Variants in SMCHD1 observed in about 807,000 individuals in gnomAD.
The protein encoded by SMCHD1 is structural maintenance of chromosomes flexible hinge domain-containing protein 1.
A neutral mutation model predicts 254.7 loss-of-function variants in SMCHD1; 78 were observed. The ratio of observed to expected loss-of-function variants is 0.31; its 90% confidence interval spans 0.26 to 0.37. SMCHD1 has a LOEUF of 0.37. Among genes scored for constraint, SMCHD1 ranks in the 10% least tolerant of loss-of-function variants. The probability of loss-of-function intolerance (pLI) is 1.00; values close to 1 mark genes in which losing one functional copy is unlikely to be tolerated. For synonymous variants in SMCHD1, 766 were observed against 794.9 expected (o/e 0.96, Z 0.61); for missense variants, 1,840 against 2,408.1 (o/e 0.76, Z 4.94).
chr18:2,688,141 T>A (rs1039009776), intron 5 of SMCHD1, among the ~76,000 whole-genome samples: 4 of 152,182 alleles, frequency 2.6e-5, no homozygotes, highest in Non-Finnish European at 5.9e-5. Context: ...GCTGAGAGAT[T>A]TTCTGATTTA....
At chr18:2,689,374 T>G (rs2509464) in intron 7 of SMCHD1, among the ~76,000 whole-genome samples, 1 of 151,534 alleles carries the variant, frequency 6.6e-6, no homozygotes, top group African/African-American at 2.4e-5. Flanking sequence ...CCTGCCACCA[T>G]GCCCTGCTAA....
Position 2,743,858 on chromosome 18 carries a change from T to C in SMCHD1, c.3731T>C (p.Phe1244Ser). The change falls in exon 29 of 48, where the codon TTT becomes TCT. Residue 1244 changes from phenylalanine (F) to serine (S), a missense_variant. Phe to Ser is a radical substitution (Grantham distance 155). Coordinates refer to ENST00000320876, the MANE Select transcript of SMCHD1 (RefSeq NM_015295.3). ...TTTACTTGGCGTGAGTTTTCTGACTTTATTCGAGTGCAACTAATTTCTGGA... is the reference window on the plus strand; with the variant it reads ...TTTACTTGGCGTGAGTTTTCTGACTCTATTCGAGTGCAACTAATTTCTGGA... ...LCFTWREFSD[F>S]IRVQLISGPP... The C allele has an allele frequency of 6.2e-7, 1 of 1,613,316 alleles. No individual in the cohort carries two copies. Among genetic ancestry groups the C allele is most frequent in the Non-Finnish European group, 8.5e-7 (1 of 1,179,588 alleles).
At chr18:2,694,463 A>G in intron 7 of SMCHD1, 64 bp from the exon 8 acceptor site, 2 of 1,231,570 alleles carry the variant, frequency 1.6e-6, no homozygotes, top group Non-Finnish European at 2.2e-6. Context: ...ATTTGATGCA[A>G]TAGCTATTTG....
In SMCHD1 at chr18:2,703,691, G is replaced by A; in HGVS notation, c.1648-1G>A. 6.2e-7 allele frequency: 1 copy of A among 1,603,650 alleles called. No individual in the cohort carries two copies. Among genetic ancestry groups the A allele is most frequent in the Non-Finnish European group, 8.5e-7 (1 of 1,175,726 alleles). ...TCATAAAACATTTTAAAATTCTACA[G>A]GAACAGCGAATGAAAATTGACAGAG... On this transcript the variant is annotated splice_acceptor_variant, in intron 12 of 47. Coordinates refer to ENST00000320876, the MANE Select transcript of SMCHD1 (RefSeq NM_015295.3). LOFTEE classifies it high-confidence loss of function.
chr18:2,657,070 T>C (rs1314011367), intron 1 of SMCHD1, among the ~76,000 whole-genome samples: 2 of 152,212 alleles, frequency 1.3e-5, no homozygotes, highest in Non-Finnish European at 2.9e-5. Flanking sequence ...ATTGTCATGC[T>C]CTGAATTAAC....
rs767713853 is a variant in SMCHD1, at chr18:2,725,013, A to G, written c.2700+18A>G. On this transcript the variant is annotated intron_variant, in intron 21 of 47. Coordinates refer to ENST00000320876, the MANE Select transcript of SMCHD1 (RefSeq NM_015295.3). ...AAGGCAAGGTAAGCATTATGTATAG[A>G]TCCTATGATACTTGTTAAGTATTTA... 9 of 1,355,342 alleles carry G rather than the reference A, an allele frequency of 6.6e-6. No homozygotes were observed. The East Asian group carries it at 1.9e-4, about 29-fold the overall frequency. The allele number at this position is 1,355,342 out of a possible 1,614,324, so 84.0% of individuals were successfully genotyped here.
chr18:2,743,903 T>G lies in SMCHD1; in HGVS notation c.3776T>G (p.Leu1259Arg). 6.2e-7 allele frequency: 1 copy of G among 1,612,720 alleles called. No homozygotes were observed. Among genetic ancestry groups the G allele is most frequent in the South Asian group, 1.1e-5 (1 of 90,910 alleles). The change falls in exon 29 of 48, where the codon CTT (leucine) becomes CGT (arginine). Residue 1259 changes from leucine (L) to arginine (R), a missense_variant. Around this residue, in one of 9 missense-constraint regions of SMCHD1, gnomAD observed 881 missense variants for 1,009.5 expected, o/e 0.87. Coordinates refer to ENST00000320876, the MANE Select transcript of SMCHD1 (RefSeq NM_015295.3). ...TCTGGACCTCCTGCTAAACTTCTCC[T>G]TATAGACTGGCCAGAACTAAAGGAG... Reference protein sequence around the residue: ...LISGPPAKLLLIDWPELKESI... With the variant: ...LISGPPAKLLRIDWPELKESI...
At chr18:2,767,848 C>A (rs943295827) in intron 37 of SMCHD1, among the ~76,000 whole-genome samples, 2 of 152,032 alleles carry the variant, frequency 1.3e-5, no homozygotes, top group African/African-American at 4.8e-5. Context: ...CCTCGGCCTC[C>A]CAAAGTGCTG....
chr18:2,787,313 A>AT (rs990930739), intron 45 of SMCHD1, among the ~76,000 whole-genome samples: 16 of 152,282 alleles, frequency 1.1e-4, no homozygotes, highest in African/African-American at 3.9e-4. Context: ...TGACCCCAAC[A>AT]TTAGGCCTCA....
chr18:2,679,459 G>A (rs1401664064), intron 5 of SMCHD1, among the ~76,000 whole-genome samples: 9 of 107,084 alleles, frequency 8.4e-5, no homozygotes, highest in Admixed American at 2.4e-4. Context: ...CAGCCTGGGT[G>A]ACAGAGCGAG....
chr18:2,662,466 G>A (rs1195092585), intron 1 of SMCHD1, among the ~76,000 whole-genome samples: 1 of 151,536 alleles, frequency 6.6e-6, no homozygotes, highest in Non-Finnish European at 1.5e-5. Context: ...CCAACGTGGT[G>A]AAACTCTGTC....
chr18:2,684,999 TG>T (rs2074010220), intron 5 of SMCHD1, among the ~76,000 whole-genome samples: 1 of 151,842 alleles, frequency 6.6e-6, no homozygotes, highest in African/African-American at 2.4e-5. Context: ...CTCTCCTTAA[TG>T]TAAAAAGGCT....
intron 19 of SMCHD1, among the ~76,000 whole-genome samples, chr18:2,720,782 T>C (rs2074909468): frequency 1.3e-5 from 2 of 152,180 alleles, no homozygotes; most frequent in Admixed American, 1.3e-4. Context: ...TTACATTTAA[T>C]TGATTAGATT....
chr18:2,662,737 G>T (rs1367744133), intron 1 of SMCHD1, among the ~76,000 whole-genome samples: 6 of 142,446 alleles, frequency 4.2e-5, no homozygotes, highest in African/African-American at 1.1e-4. Flanking sequence ...AAAAATACAC[G>T]ACTGTCATGG....
intron 47 of SMCHD1, among the ~76,000 whole-genome samples, chr18:2,800,008 GT>G (rs1412740333): frequency 1.3e-5 from 2 of 152,060 alleles, no homozygotes; most frequent in African/African-American, 4.8e-5. Context: ...TTGCGTTCAC[GT>G]TTGATTGAGG....
Position 2,739,517 on chromosome 18 carries a change from G to T in SMCHD1, c.3511G>T (p.Val1171Leu). ...VQMGQELQGE[V>L]VIIITDQYGN... The stretch of plus-strand genomic sequence containing the variant: ...GATGGGCCAAGAGCTTCAAGGAGAA[G>T]TAGGTTAGTATGGCTTGCTTTAAAA... The change falls in exon 27 of 48, where the codon GTA becomes TTA. Residue 1171 changes from valine (V) to leucine (L), a missense_variant. Val to Leu is a conservative substitution (Grantham distance 32, BLOSUM62 1). This residue lies in a region of SMCHD1 where 881 missense variants were observed against 1,009.5 expected (regional missense o/e 0.87). Coordinates refer to ENST00000320876, the MANE Select transcript of SMCHD1 (RefSeq NM_015295.3). The T allele has an allele frequency of 6.2e-7, 1 of 1,611,826 alleles. No homozygotes were observed. Among genetic ancestry groups the T allele is most frequent in the Non-Finnish European group, 8.5e-7 (1 of 1,178,396 alleles).
At chr18:2,659,352 A>G (rs1396757954) in intron 1 of SMCHD1, among the ~76,000 whole-genome samples, 2 of 152,220 alleles carry the variant, frequency 1.3e-5, no homozygotes, top group Non-Finnish European at 2.9e-5. Context: ...TCCTGACCTC[A>G]GGTGGTCCAC....
chr18:2,784,561 C>A lies in SMCHD1; in HGVS notation c.5659C>A (p.Arg1887=), dbSNP rs1462790313. The A allele has an allele frequency of 6.2e-7, 1 of 1,611,002 alleles. No individual in the cohort carries two copies. Among genetic ancestry groups the A allele is most frequent in the Non-Finnish European group, 8.5e-7 (1 of 1,178,970 alleles). The part of the protein sequence containing the change: ...QNKAPPMDKL[R]GMVFGAPVPK... ...TAAAGCTCCTCCAATGGATAAACTT[C>A]GGGGAATGGTATTTGGAGCTCCAGT... The change falls in exon 45 of 48, where the codon CGG becomes AGG. Residue 1887 remains arginine (R), a synonymous_variant. Transcript: ENST00000320876.
intron 5 of SMCHD1, among the ~76,000 whole-genome samples, chr18:2,677,858 A>G (rs545520666): frequency 1.3e-5 from 2 of 152,190 alleles, no homozygotes; most frequent in Admixed American, 1.3e-4. Flanking sequence ...AGCTGAAGCG[A>G]TCCACCTGCC....
Sources: allele counts gnomAD v4.1 joint callset (sites outside exome capture counted in the v4.1 genomes callset), GRCh38; gene constraint gnomAD v4.1.1; regional missense constraint gnomAD v4.1.1; transcripts MANE v1.5; gene names NCBI Gene and HGNC (gene_info 2026-07-23, HGNC 2026-07-21).